Variants in CYTH1 observed in about 807,000 individuals in gnomAD.
The protein encoded by CYTH1 is cytohesin-1.
A neutral mutation model predicts 61.8 loss-of-function variants in CYTH1; 18 were observed. The ratio of observed to expected loss-of-function variants is 0.29; its 90% CI spans 0.20 to 0.43. The LOEUF (loss-of-function observed/expected upper bound fraction) is 0.43. Among genes scored for constraint, CYTH1 ranks in the 20% least tolerant of loss-of-function variants. CYTH1 has a pLI of 1.00. For missense variants in CYTH1, 336 were observed against 510.5 expected (o/e 0.66, Z 3.29); for synonymous variants, 174 against 184.3 (o/e 0.94, Z 0.45).
intron 1 of CYTH1, among the ~76,000 whole-genome samples, chr17:78,719,409 G>C (rs2093209326): frequency 1.3e-5 from 2 of 152,128 alleles, no homozygotes; most frequent in African/African-American, 4.8e-5. Flanking sequence ...GCTAACAACT[G>C]CAGGTAAGGC....
At chr17:78,725,845 C>G (rs1430401787) in intron 1 of CYTH1, among the ~76,000 whole-genome samples, 1 of 152,118 alleles carries the variant, frequency 6.6e-6, no homozygotes, top group Non-Finnish European at 1.5e-5. Flanking sequence ...AAAGCTGCAA[C>G]CAAGAAGTCT....
chr17:78,682,744 C>A (rs2092776391), intron 11 of CYTH1, among the ~76,000 whole-genome samples: 1 of 152,216 alleles, frequency 6.6e-6, no homozygotes, highest in Non-Finnish European at 1.5e-5. Context: ...TATCACCCTA[C>A]ACAAAGCTGT....
chr17:78,682,900 T>C (rs1360045372), intron 11 of CYTH1, among the ~76,000 whole-genome samples: 1 of 152,206 alleles, frequency 6.6e-6, no homozygotes, highest in Non-Finnish European at 1.5e-5. Context: ...AACACATCCA[T>C]CGTTTGGGGG....
intron 1 of CYTH1, among the ~76,000 whole-genome samples, chr17:78,767,838 A>G (rs1455471656): frequency 1.3e-5 from 2 of 152,222 alleles, no homozygotes; most frequent in Non-Finnish European, 2.9e-5. Flanking sequence ...TGCAGGAAGC[A>G]CTTGAAAATG....
intron 1 of CYTH1, among the ~76,000 whole-genome samples, chr17:78,754,685 T>A (rs539659583): frequency 2.4e-4 from 37 of 152,230 alleles, no homozygotes; most frequent in South Asian, 1.2e-3. Flanking sequence ...ATAAAATAAA[T>A]TTTTGCATTT....
chr17:78,748,327 G>A (rs573241920), intron 1 of CYTH1, among the ~76,000 whole-genome samples: 22 of 152,296 alleles, frequency 1.4e-4, no homozygotes, highest in African/African-American at 5.1e-4. Flanking sequence ...GCTGGTGTAA[G>A]TATTGATCAT....
intron 1 of CYTH1, among the ~76,000 whole-genome samples, chr17:78,724,686 A>G (rs550188570): frequency 1.3e-5 from 2 of 152,312 alleles, no homozygotes; most frequent in African/African-American, 4.8e-5. Flanking sequence ...TGGAAATCCT[A>G]AAAACACTCC....
At chr17:78,698,730 T>G (rs1332454287) in intron 8 of CYTH1, 90 bp downstream of exon 8, 2 of 1,392,698 alleles carry the variant, frequency 1.4e-6, no homozygotes, top group Non-Finnish European at 1.9e-6. Flanking sequence ...CTTGATAAAT[T>G]GTATGTTTTT....
chr17:78,712,711 T>C (rs1397599754), intron 1 of CYTH1, among the ~76,000 whole-genome samples: 1 of 151,982 alleles, frequency 6.6e-6, no homozygotes, highest in African/African-American at 2.4e-5. Context: ...TCATAATCAA[T>C]TAGGTAATCG....
intron 1 of CYTH1, chr17:78,736,762 TC>T: frequency 2.6e-6 from 1 of 383,948 alleles, no homozygotes; most frequent in Non-Finnish European, 5.5e-6. Flanking sequence ...GTTCTGTGCT[TC>T]CAGGAGAGCG....
intron 9 of CYTH1, among the ~76,000 whole-genome samples, 194 bp downstream of exon 9, chr17:78,698,075 C>T (rs973643214): frequency 6.6e-6 from 1 of 152,218 alleles, no homozygotes; most frequent in Non-Finnish European, 1.5e-5. Flanking sequence ...CTATAAGCCA[C>T]CCCCTTTCCT....
intron 1 of CYTH1, among the ~76,000 whole-genome samples, chr17:78,739,887 G>T (rs1007154146): frequency 3.3e-5 from 5 of 152,170 alleles, no homozygotes; most frequent in African/African-American, 1.2e-4. Flanking sequence ...AGAAGTCAAG[G>T]GTGACTCCGA....
intron 1 of CYTH1, among the ~76,000 whole-genome samples, chr17:78,761,159 T>C (rs905099793): frequency 2.2e-4 from 33 of 152,206 alleles, no homozygotes; most frequent in Admixed American, 7.2e-4. Context: ...TTCAGTCACA[T>C]AGCAATGCTA....
At chr17:78,726,696 T>C (rs2093268614) in intron 1 of CYTH1, among the ~76,000 whole-genome samples, 1 of 151,964 alleles carries the variant, frequency 6.6e-6, no homozygotes, top group African/African-American at 2.4e-5. Context: ...CAGACTGTGG[T>C]GCCTTTGAAT....
intron 10 of CYTH1, among the ~76,000 whole-genome samples, chr17:78,695,805 C>A (rs1184772108): frequency 1.3e-5 from 2 of 152,164 alleles, no homozygotes; most frequent in East Asian, 1.9e-4. Context: ...ATAACATATA[C>A]TCCTCCAAAA....
At chr17:78,768,146 AC>A (rs1357814180) in intron 1 of CYTH1, among the ~76,000 whole-genome samples, 2 of 152,202 alleles carry the variant, frequency 1.3e-5, no homozygotes, top group Non-Finnish European at 2.9e-5. Context: ...CCAGAAAAAT[AC>A]AAAAAGCTCT....
At chr17:78,702,357 C>T in intron 4 of CYTH1, 117 bp from the exon 5 acceptor site, 3 of 1,007,368 alleles carry the variant, frequency 3.0e-6, no homozygotes, top group East Asian at 2.4e-5. Context: ...TAAATACTTG[C>T]TAAGTGACCT....
rs74001208 is a variant in CYTH1 at position 78,697,957 on chromosome 17, C to T, written c.811+312G>A. 4.2e-3 allele frequency among the ~76,000 whole-genome samples: 642 copies of T among 152,286 alleles called. 6 individuals carry two copies. The highest frequency in any genetic ancestry group is 0.015 in the African/African-American group (603 of 41,562). Reference sequence around the variant, plus strand: ...AATATTTATGGTGGAGTAAGTCTGTCCCCAGTAGTCTCTGTGTCCCATGGG... The same window carrying T: ...AATATTTATGGTGGAGTAAGTCTGTTCCCAGTAGTCTCTGTGTCCCATGGG... On this transcript the variant is annotated intron_variant, in intron 9 of 13. Transcript: ENST00000446868.
chr17:78,737,961 T>C (rs1474805904), intron 1 of CYTH1, among the ~76,000 whole-genome samples: 1 of 152,194 alleles, frequency 6.6e-6, no homozygotes, highest in African/African-American at 2.4e-5. Context: ...TTCATGACTG[T>C]AAATGGACAT....
Sources: allele counts gnomAD v4.1 joint callset (sites outside exome capture counted in the v4.1 genomes callset), GRCh38; gene constraint gnomAD v4.1.1; transcripts MANE v1.5; gene names NCBI Gene and HGNC (gene_info 2026-07-23, HGNC 2026-07-21).